The following ROBO2 variants were observed in gnomAD, a reference collection of about 807,000 sequenced individuals.
ROBO2 encodes the protein roundabout guidance receptor 2.
A neutral mutation model predicts 160.8 loss-of-function variants in ROBO2; 53 were observed. The observed-to-expected ratio is 0.33, with a 90% CI of 0.26 to 0.41. ROBO2 has a LOEUF of 0.41. Ranked by LOEUF, ROBO2 falls within the 10% of genes least tolerant of loss-of-function variation. The pLI, the probability that ROBO2 is intolerant of heterozygous loss-of-function variation, is 1.00. For missense variants in ROBO2, 1,577 were observed against 1,722.4 expected (o/e 0.92, Z 1.49); for synonymous variants, 664 against 611.7 (o/e 1.09, Z -1.26).
chr3:77,374,170 A>T (rs13080527), intron 2 of ROBO2, among the ~76,000 whole-genome samples: 1 of 9,870 alleles, frequency 1.0e-4, no homozygotes, highest in African/African-American at 1.4e-4. Flanking sequence ...AGACTCCATC[A>T]AAAAAAAAAA....
chr3:75,992,055 A>T (rs2065587960), intron 2 of ROBO2, among the ~76,000 whole-genome samples: 1 of 152,202 alleles, frequency 6.6e-6, no homozygotes, highest in South Asian at 2.1e-4. Flanking sequence ...AAAGAGACAC[A>T]GAGCATAAAA....
intron 2 of ROBO2, among the ~76,000 whole-genome samples, chr3:76,684,963 C>T (rs2107040234): frequency 7.5e-6 from 1 of 132,702 alleles, no homozygotes; most frequent in South Asian, 2.5e-4. Context: ...TAAATTGTAA[C>T]ATTTGCAGTA....
rs115687913 is a variant in ROBO2, at chr3:76,571,374, T to A, written c.110-526640T>A. Among the ~76,000 whole-genome samples the A allele has an allele frequency of 9.5e-3, 1,441 of 152,206 alleles. 22 individuals are homozygous for A. Among genetic ancestry groups the A allele is most frequent in the African/African-American group, 0.028 (1,179 of 41,546 alleles). ...ATAATATACAGAATTTTTCCAACTC[T>A]GATTAAATCACAAACAATAAAATAT... is the stretch of plus-strand genomic sequence containing the variant. On this transcript the variant is annotated intron_variant, in intron 2 of 26. Coordinates refer to the ROBO2 transcript ENST00000487694.
At chr3:77,470,109 T>C (rs1253121356) in intron 2 of ROBO2, among the ~76,000 whole-genome samples, 4 of 152,204 alleles carry the variant, frequency 2.6e-5, no homozygotes, top group Non-Finnish European at 4.4e-5. Context: ...TGTTCCTTCA[T>C]ATCCCTAGGG....
chr3:77,577,785 T>G (rs1224682520), intron 15 of ROBO2, among the ~76,000 whole-genome samples, 171 bp downstream of exon 16: 3 of 152,086 alleles, frequency 2.0e-5, no homozygotes, highest in Non-Finnish European at 2.9e-5. Flanking sequence ...TATTAGAACC[T>G]GAGTTCAAGG....
At chr3:77,407,115 C>T (rs555743863) in intron 2 of ROBO2, among the ~76,000 whole-genome samples, 52 of 152,096 alleles carry the variant, frequency 3.4e-4, no homozygotes, top group Middle Eastern at 3.2e-3. Flanking sequence ...AGTGAACCAC[C>T]CAGGCAATAA....
At chr3:76,253,775 A>G (rs1427415593) in intron 2 of ROBO2, among the ~76,000 whole-genome samples, 2 of 151,784 alleles carry the variant, frequency 1.3e-5, no homozygotes, top group Non-Finnish European at 2.9e-5. Context: ...GAGATAGCAT[A>G]TCCATTCCAG....
At chr3:77,293,903 GC>G (rs2061653143) in intron 2 of ROBO2, among the ~76,000 whole-genome samples, 3 of 141,536 alleles carry the variant, frequency 2.1e-5, no homozygotes, top group East Asian at 4.0e-4. Context: ...CGAGTAAGCT[GC>G]AGCTAGATCA....
At chr3:76,156,896 C>T (rs1207319893) in intron 2 of ROBO2, among the ~76,000 whole-genome samples, 1 of 152,184 alleles carries the variant, frequency 6.6e-6, no homozygotes, top group Non-Finnish European at 1.5e-5. Context: ...TGCTTGAACC[C>T]AGGAGGTGGA....
chr3:77,394,035 C>T (rs2075012289), intron 2 of ROBO2, among the ~76,000 whole-genome samples: 1 of 152,062 alleles, frequency 6.6e-6, no homozygotes, highest in Non-Finnish European at 1.5e-5. Flanking sequence ...TAGAGTGAAC[C>T]CTCATAACTG....
At chr3:77,385,136 T>C (rs1477012111) in intron 2 of ROBO2, among the ~76,000 whole-genome samples, 1 of 152,210 alleles carries the variant, frequency 6.6e-6, no homozygotes, top group Non-Finnish European at 1.5e-5. Flanking sequence ...TTCAAATAAT[T>C]GTCCTGCCTC....
At chr3:77,207,984 C>T (rs1327249498) in intron 2 of ROBO2, among the ~76,000 whole-genome samples, 2 of 152,148 alleles carry the variant, frequency 1.3e-5, no homozygotes, top group Non-Finnish European at 2.9e-5. Context: ...GGGAATTGTC[C>T]GTGAGTATCC....
At chr3:76,731,847 G>A (rs1183842544) in intron 2 of ROBO2, among the ~76,000 whole-genome samples, 1 of 152,182 alleles carries the variant, frequency 6.6e-6, no homozygotes, top group Non-Finnish European at 1.5e-5. Context: ...AGAAGATGGG[G>A]TGATGTAAAT....
chr3:76,435,220 C>T, intron 2 of ROBO2: 4 of 1,505,030 alleles, frequency 2.7e-6, no homozygotes, highest in Non-Finnish European at 3.7e-6. Context: ...AAAGTGCCAA[C>T]CATATCCATC....
chr3:76,223,091 C>T (rs1393785059), intron 2 of ROBO2, among the ~76,000 whole-genome samples: 1 of 151,538 alleles, frequency 6.6e-6, no homozygotes, highest in East Asian at 2.0e-4. Flanking sequence ...CCCAGACATG[C>T]TCCCCAGACT....
chr3:76,355,024 T>TATGTG (rs1559811932), intron 2 of ROBO2, among the ~76,000 whole-genome samples: 1 of 150,960 alleles, frequency 6.6e-6, no homozygotes, highest in African/African-American at 2.4e-5. Context: ...ATGTGTATGT[T>TATGTG]TATGTGTATG....
At chr3:76,089,644 A>T (rs1357462890) in intron 2 of ROBO2, among the ~76,000 whole-genome samples, 4 of 152,144 alleles carry the variant, frequency 2.6e-5, no homozygotes, top group African/African-American at 7.2e-5. Flanking sequence ...TTCATGATAA[A>T]TTCTTAGTAA....
intron 2 of ROBO2, among the ~76,000 whole-genome samples, chr3:77,208,960 T>C (rs528415653): frequency 6.6e-6 from 1 of 152,314 alleles, no homozygotes; most frequent in African/African-American, 2.4e-5. Context: ...TTCATATATT[T>C]TTGAGAGATC....
At chr3:77,277,913 C>A (rs769976690) in intron 2 of ROBO2, among the ~76,000 whole-genome samples, 1 of 152,112 alleles carries the variant, frequency 6.6e-6, no homozygotes, top group African/African-American at 2.4e-5. Context: ...AAATAATTTA[C>A]GTTACCACCA....
Sources: allele counts gnomAD v4.1 joint callset (sites outside exome capture counted in the v4.1 genomes callset), GRCh38; gene constraint gnomAD v4.1.1; transcripts MANE v1.5; gene names NCBI Gene and HGNC (gene_info 2026-07-23, HGNC 2026-07-21).